Variants in ASTN2 observed in about 807,000 individuals in gnomAD.
The protein encoded by ASTN2 is astrotactin-2.
ASTN2 carries 54 observed loss-of-function variants against 139.8 expected under a neutral mutation model. That is an observed-to-expected ratio of 0.39 (90% CI 0.31 to 0.48). The LOEUF (loss-of-function observed/expected upper bound fraction) is 0.48. Among genes scored for constraint, ASTN2 ranks in the 20% least tolerant of loss-of-function variants. The probability of loss-of-function intolerance (pLI) is 0.95; values close to 1 mark genes in which losing one functional copy is unlikely to be tolerated. For missense variants in ASTN2, 1,565 were observed against 1,725.1 expected (o/e 0.91, Z 1.64); for synonymous variants, 756 against 719.5 (o/e 1.05, Z -0.81).
At chr9:117,264,122 C>T (rs1276734695) in intron 2 of ASTN2, among the ~76,000 whole-genome samples, 1 of 152,028 alleles carries the variant, frequency 6.6e-6, no homozygotes, top group Admixed American at 6.6e-5. Flanking sequence ...TTTATGGTAT[C>T]CACATAATAC....
At chr9:116,648,189 ATGGGG>A (rs1360995532) in intron 17 of ASTN2, among the ~76,000 whole-genome samples, 1 of 151,972 alleles carries the variant, frequency 6.6e-6, no homozygotes, top group Non-Finnish European at 1.5e-5. Flanking sequence ...TTTAGTAGAG[ATGGGG>A]TTTCACCATG....
At chr9:117,294,148 A>C (rs1834668559) in intron 1 of ASTN2, among the ~76,000 whole-genome samples, 1 of 152,224 alleles carries the variant, frequency 6.6e-6, no homozygotes, top group African/African-American at 2.4e-5. Flanking sequence ...TTCACTGGTG[A>C]ATTTGTACCT....
intron 22 of ASTN2, among the ~76,000 whole-genome samples, chr9:116,439,193 C>CTTTTTTTTTTTTTTTT (rs1564277528): frequency 9.7e-6 from 1 of 102,780 alleles, no homozygotes; most frequent in Non-Finnish European, 1.9e-5. Flanking sequence ...TATTCAAATA[C>CTTTTTTTTTTTTTTTT]ATTTTTTTTT....
At chr9:117,411,482 A>T (rs973573552) in intron 1 of ASTN2, among the ~76,000 whole-genome samples, 3 of 147,670 alleles carry the variant, frequency 2.0e-5, no homozygotes, top group African/African-American at 7.6e-5. Flanking sequence ...ACTTGCTTCC[A>T]GTCTGGGCAT....
intron 22 of ASTN2, among the ~76,000 whole-genome samples, chr9:116,431,274 C>G (rs1234624542): frequency 6.6e-6 from 1 of 152,106 alleles, no homozygotes; most frequent in Non-Finnish European, 1.5e-5. Context: ...GAAAACATTC[C>G]CATTCGCCTC....
At chr9:116,536,782 C>T (rs1280888985) in intron 19 of ASTN2, among the ~76,000 whole-genome samples, 2 of 152,218 alleles carry the variant, frequency 1.3e-5, no homozygotes, top group Non-Finnish European at 2.9e-5. Context: ...GGGTGCCTCC[C>T]AGTTAGGCTT....
At chr9:116,493,751 A>G (rs1195904355) in intron 19 of ASTN2, among the ~76,000 whole-genome samples, 1 of 152,162 alleles carries the variant, frequency 6.6e-6, no homozygotes, top group African/African-American at 2.4e-5. Context: ...AGGTTGGGAG[A>G]AAAGCAGAAA....
At chr9:116,791,061 G>GAAAGAAGGA (rs1830543619) in intron 13 of ASTN2, among the ~76,000 whole-genome samples, 1 of 151,494 alleles carries the variant, frequency 6.6e-6, no homozygotes, top group African/African-American at 2.4e-5. Flanking sequence ...AAGAAAGAAA[G>GAAAGAAGGA]AAGGAAAGGT....
Position 117,410,464 on chromosome 9 carries a change from G to A in ASTN2, c.442+4033C>T, listed in dbSNP as rs565611149. Among the ~76,000 whole-genome samples the A allele has an allele frequency of 1.8e-3, 271 of 152,228 alleles. 1 individual carries two copies. The highest frequency in any genetic ancestry group is 6.0e-3 in the African/African-American group (251 of 41,528). On this transcript the variant is annotated intron_variant, in intron 1 of 22. Transcript: ENST00000313400. ...GAGGAGCTATCAGAGTCATGGAGTAGGTCAGGGCACTTCAAGTTCATAGAA... is the reference window on the plus strand; with the variant it reads ...GAGGAGCTATCAGAGTCATGGAGTAAGTCAGGGCACTTCAAGTTCATAGAA...
At chr9:116,869,650 A>G (rs763060058) in intron 10 of ASTN2, among the ~76,000 whole-genome samples, 1 of 152,224 alleles carries the variant, frequency 6.6e-6, no homozygotes, top group African/African-American at 2.4e-5. Context: ...ACCACTCTAC[A>G]GAACAGAGCT....
chr9:117,072,893 G>A (rs1828173883), intron 5 of ASTN2, among the ~76,000 whole-genome samples: 1 of 152,044 alleles, frequency 6.6e-6, no homozygotes, highest in African/African-American at 2.4e-5. Flanking sequence ...AAACATGGAG[G>A]TATGGACAAA....
At chr9:116,524,972 A>C (rs1851029461) in intron 19 of ASTN2, among the ~76,000 whole-genome samples, 1 of 152,230 alleles carries the variant, frequency 6.6e-6, no homozygotes, top group Non-Finnish European at 1.5e-5. Context: ...GGAACTGGGT[A>C]ACAGGCAGAG....
intron 10 of ASTN2, among the ~76,000 whole-genome samples, chr9:116,895,250 A>C (rs1193010346): frequency 6.6e-6 from 1 of 152,224 alleles, no homozygotes; most frequent in African/African-American, 2.4e-5. Flanking sequence ...TTCAGGCTAT[A>C]TGCATAAGGT....
rs775206490 is a variant in ASTN2 at position 117,096,117 on chromosome 9, C to T, written c.1203G>A (p.Ser401=). ...GAGTTTCATCGTCTGCCTCTGAGCC[C>T]GACGTCCCCTTGGCTCTCCCAAAGC... The part of the protein sequence containing the change: ...GISFGRAKGT[S]GSEADDETQL... The change falls in exon 5 of 23, where the codon TCG becomes TCA. Residue 401 remains serine (S), a synonymous_variant. Coordinates refer to ENST00000313400, the MANE Select transcript of ASTN2 (RefSeq NM_001365068.1). 16 of 1,613,938 alleles carry T rather than the reference C, an allele frequency of 9.9e-6. No individual in the cohort carries two copies. The highest frequency in any genetic ancestry group is 4.0e-5 in the African/African-American group (3 of 74,926).
At chr9:116,630,536 TAGG>T (rs781128950) in intron 17 of ASTN2, among the ~76,000 whole-genome samples, 98 of 152,232 alleles carry the variant, frequency 6.4e-4, no homozygotes, top group Admixed American at 1.8e-3. Flanking sequence ...GACAAATTCT[TAGG>T]AGGAGTGAGG....
chr9:117,090,312 G>A (rs562979493), intron 5 of ASTN2, among the ~76,000 whole-genome samples: 13 of 152,194 alleles, frequency 8.5e-5, no homozygotes, highest in African/African-American at 1.9e-4. Context: ...CACCAGACAC[G>A]CATATCTTGG....
chr9:116,629,566 C>T (rs1301165885), intron 17 of ASTN2, among the ~76,000 whole-genome samples: 3 of 151,854 alleles, frequency 2.0e-5, no homozygotes, highest in African/African-American at 7.3e-5. Context: ...CAACCCATCT[C>T]TTATTTTCAG....
intron 3 of ASTN2, among the ~76,000 whole-genome samples, chr9:117,149,300 G>A (rs1168285700): frequency 2.0e-5 from 3 of 152,168 alleles, no homozygotes; most frequent in Non-Finnish European, 2.9e-5. Flanking sequence ...TTACAGGCAT[G>A]AGCCACTACA....
intron 19 of ASTN2, among the ~76,000 whole-genome samples, chr9:116,536,125 C>T (rs918938343): frequency 2.6e-5 from 4 of 151,910 alleles, no homozygotes; most frequent in African/African-American, 9.7e-5. Context: ...ATCACTGATA[C>T]CCTTTCTTCC....
Sources: allele counts gnomAD v4.1 joint callset (sites outside exome capture counted in the v4.1 genomes callset), GRCh38; gene constraint gnomAD v4.1.1; transcripts MANE v1.5; gene names NCBI Gene and HGNC (gene_info 2026-07-23, HGNC 2026-07-21).